KIFC3: variants seen among roughly 807,000 people sequenced by gnomAD.
KIFC3 encodes kinesin-like protein KIFC3.
Under a neutral mutation model 101.8 loss-of-function variants are expected in KIFC3, and 60 were observed. That is an observed-to-expected ratio of 0.59 (90% CI 0.48 to 0.73). KIFC3 has a LOEUF of 0.73. KIFC3 is among the 30% of genes least tolerant of loss of function. The pLI is 0.00. For synonymous variants in KIFC3, 476 were observed against 482.7 expected, an observed-to-expected ratio of 0.99 and a Z score of 0.18; for missense variants, 966 against 1,137.1, an observed-to-expected ratio of 0.85 and a Z score of 2.16.
chr16:57,793,548 A>G (rs1555621232), intron 3 of KIFC3, among the ~76,000 whole-genome samples: 1 of 150,808 alleles, frequency 6.6e-6, no homozygotes, highest in Non-Finnish European at 1.5e-5. Context: ...AGCTGAGATC[A>G]TGCCATTGCA....
At chr16:57,800,132 ATAAAG>A (rs2054625447) in intron 1 of KIFC3, among the ~76,000 whole-genome samples, 1 of 152,064 alleles carries the variant, frequency 6.6e-6, no homozygotes, top group Non-Finnish European at 1.5e-5. Flanking sequence ...TAAATAAATA[ATAAAG>A]TAAAGGGTCC....
intron 1 of KIFC3, among the ~76,000 whole-genome samples, chr16:57,857,408 T>TC (rs2056194402): frequency 6.6e-6 from 1 of 151,314 alleles, no homozygotes; most frequent in Admixed American, 6.6e-5. Context: ...TTTTTTTTTT[T>TC]AATTATACTT....
Position 57,802,447 on chromosome 16 carries a change from G to A in KIFC3, c.-117C>T, listed in dbSNP as rs1458311017. 9 of 983,086 alleles carry A rather than the reference G, an allele frequency of 9.2e-6. No homozygotes were observed. In the African/African-American group the frequency reaches 1.6e-4, roughly 17 times the overall value. 60.9% of individuals were successfully genotyped at this position (983,086 alleles called of 1,614,324 possible). A position where few individuals can be genotyped will look rare whatever the true frequency, so the allele number is the denominator to read the frequency against. On this transcript the variant is annotated 5_prime_UTR_variant, in exon 1 of 20. Coordinates refer to ENST00000445690, the MANE Select transcript of KIFC3 (RefSeq NM_001130100.2). This position sits in a 1 kb window ranked among gnomAD's most constrained non-coding sequence, Gnocchi z 5.0. The stretch of plus-strand genomic sequence containing the variant: ...CGGCCCGGCCCGCCGGCAGGAGGCA[G>A]CTCCACGCCGCCGCCTCCTCCTCGG...
At chr16:57,801,782 G>T (rs1432597502) in intron 1 of KIFC3, among the ~76,000 whole-genome samples, 2 of 152,260 alleles carry the variant, frequency 1.3e-5, no homozygotes, top group Non-Finnish European at 2.9e-5. Context: ...GCTCTAACTA[G>T]CAATGCTGGG....
At chr16:57,759,469 C>G (rs1358818998) in intron 18 of KIFC3, 1 of 578,722 alleles carries the variant, frequency 1.7e-6, no homozygotes, top group South Asian at 2.2e-5. Context: ...AGGGTAGAGT[C>G]AGCACCCCCG....
At chr16:57,768,639 T>C (rs1239670651) in intron 9 of KIFC3, among the ~76,000 whole-genome samples, 1 of 152,206 alleles carries the variant, frequency 6.6e-6, no homozygotes, top group African/African-American at 2.4e-5. Context: ...ATTCACCTGA[T>C]GCCCTGCTAT....
intron 1 of KIFC3, among the ~76,000 whole-genome samples, chr16:57,847,191 G>A (rs971375720): frequency 5.5e-5 from 7 of 127,114 alleles, no homozygotes; most frequent in African/African-American, 1.9e-4. Flanking sequence ...GTGAAGGAAG[G>A]AGGGAAGGAA....
At chr16:57,824,076 G>A (rs1389843183) in intron 1 of KIFC3, among the ~76,000 whole-genome samples, 1 of 152,238 alleles carries the variant, frequency 6.6e-6, no homozygotes, top group African/African-American at 2.4e-5. Flanking sequence ...GGCTTCCAGG[G>A]AGGGTGATCA....
Position 57,761,110 on chromosome 16 carries a change from G to A in KIFC3, c.1934C>T (p.Ser645Phe). Residue 645 changes from serine to phenylalanine, a missense_variant, in exon 15 of 20, where the codon TCC becomes TTC. This residue lies in a region of KIFC3 where 689 missense variants were observed against 884.6 expected (regional missense o/e 0.78). Transcript: ENST00000445690. ...TEFTNLNEHSSRSHALLIVTV... is the reference protein window; with the variant it reads ...TEFTNLNEHSFRSHALLIVTV... ...CACGATGAGCAGCGCGTGCGAGCGG[G>A]AGCTGTGCTCGTTCAGGTTGGTGAA... 1 of 1,613,994 alleles carries A rather than the reference G, an allele frequency of 6.2e-7. No individual in the cohort carries two copies. The highest frequency in any genetic ancestry group is 8.5e-7 in the Non-Finnish European group (1 of 1,179,992).
In KIFC3 at chr16:57,773,797, A is replaced by G. The variant is rs368928831; in HGVS notation, c.316-1509T>C. On this transcript the variant is annotated intron_variant, in intron 3 of 19. Transcript: ENST00000445690. The stretch of plus-strand genomic sequence containing the variant: ...TTACATGGTTGAGATGTCATCAAAC[A>G]AGTCTGTGTCATCAAACAAGGTAGT... The G allele has an allele frequency of 5.3e-5, 8 of 152,308 alleles. No individual in the cohort carries two copies. In the East Asian group the frequency reaches 1.2e-3, roughly 22 times the overall value. 9.4% of individuals were successfully genotyped at this position (152,308 alleles called of 1,614,324 possible).
chr16:57,824,050 C>T (rs2055410506), intron 1 of KIFC3, among the ~76,000 whole-genome samples: 1 of 152,196 alleles, frequency 6.6e-6, no homozygotes, highest in African/African-American at 2.4e-5. Flanking sequence ...AGGGAGAGCA[C>T]GTCTTGCTGG....
intron 17 of KIFC3, 167 bp downstream of exon 17, chr16:57,760,115 T>C: frequency 1.2e-6 from 1 of 825,426 alleles, no homozygotes; most frequent in Non-Finnish European, 1.9e-6. Context: ...GAAATACCTG[T>C]ACTGAAGAGG....
At chr16:57,818,768 T>G (rs1320962439) in intron 1 of KIFC3, among the ~76,000 whole-genome samples, 2 of 152,212 alleles carry the variant, frequency 1.3e-5, no homozygotes, top group African/African-American at 4.8e-5. Flanking sequence ...CGAGGCTATT[T>G]GCCCAGCGTG....
intron 3 of KIFC3, chr16:57,785,321 A>T (rs1488094419): frequency 3.7e-6 from 1 of 273,210 alleles, no homozygotes; most frequent in Non-Finnish European, 6.3e-6. Flanking sequence ...TCACCACCCT[A>T]CCCTCCAGCG....
In KIFC3 at chr16:57,795,060, C is replaced by T. The variant is rs781844041; in HGVS notation, c.254G>A (p.Arg85Gln). 5 of 1,604,286 alleles carry T rather than the reference C, an allele frequency of 3.1e-6. No homozygotes were observed. In the South Asian group the frequency reaches 3.3e-5, roughly 11 times the overall value. ...GCCAGCCCAGTCCACGCTAAGGGCT[C>T]GGCACTGAGCTAGGGCTGGGCGAGC... ...SAARPALAQC[R>Q]ALSVDWAGPG... The change falls in exon 3 of 20, where the codon CGA (arginine) becomes CAA (glutamine). Residue 85 changes from arginine (R) to glutamine (Q), a missense_variant. Arg to Gln is a conservative substitution (Grantham distance 43). Coordinates refer to ENST00000445690, the MANE Select transcript of KIFC3 (RefSeq NM_001130100.2).
intron 2 of KIFC3, among the ~76,000 whole-genome samples, chr16:57,795,437 G>A (rs28628696): frequency 0.033 from 5,006 of 152,310 alleles, 289 homozygotes; most frequent in African/African-American, 0.11. Flanking sequence ...TTTGGGGCAG[G>A]CATCTGCTCA....
At chr16:57,818,332 G>A (rs1188051444) in intron 1 of KIFC3, among the ~76,000 whole-genome samples, 7 of 152,070 alleles carry the variant, frequency 4.6e-5, no homozygotes, top group South Asian at 2.1e-4. Flanking sequence ...ATTAATTAAC[G>A]TATCCATGGT....
At chr16:57,765,121 C>T (rs1326365941) in intron 11 of KIFC3, among the ~76,000 whole-genome samples, 1 of 148,392 alleles carries the variant, frequency 6.7e-6, no homozygotes, top group Non-Finnish European at 1.5e-5. Flanking sequence ...GGAGGAGCCA[C>T]AGCTGAGAGA....
At chr16:57,820,394 C>T (rs960216916) in intron 1 of KIFC3, among the ~76,000 whole-genome samples, 23 of 152,200 alleles carry the variant, frequency 1.5e-4, no homozygotes, top group Non-Finnish European at 2.9e-5. Context: ...CCCACCTCAG[C>T]CTTCTGAGTA....
Sources: gnomAD v4.1 joint callset for allele counts (sites outside exome capture counted in the v4.1 genomes callset) on GRCh38, gnomAD v4.1.1 for gene constraint, gnomAD v4.1.1 regional missense constraint, Gnocchi (gnomAD v3.1) non-coding constraint, MANE v1.5 for transcripts, NCBI Gene and HGNC (gene_info 2026-07-23, HGNC 2026-07-21) for gene names.